The following PXT1 variants were observed in gnomAD, a reference collection of about 807,000 sequenced individuals.
The protein encoded by PXT1 is peroxisomal testis-specific protein 1.
A neutral mutation model predicts 11.0 loss-of-function variants in PXT1; 11 were observed. The ratio of observed to expected loss-of-function variants is 1.00; its 90% CI spans 0.63 to 1.66. The LOEUF is 1.66. Ranked by LOEUF, PXT1 falls within the 40% of genes most tolerant of loss-of-function variation. The pLI is 0.00. For synonymous variants in PXT1, 43 were observed against 51.4 expected (o/e 0.84, Z 0.70); for missense variants, 141 against 155.5 (o/e 0.91, Z 0.49).
At chr6:36,409,952 A>C (rs895357322) in intron 3 of PXT1, among the ~76,000 whole-genome samples, 8 of 49,162 alleles carry the variant, frequency 1.6e-4, no homozygotes, top group Non-Finnish European at 2.9e-4. Flanking sequence ...AAAGAAAGAG[A>C]AAGGAAGAAA....
intron 3 of PXT1, among the ~76,000 whole-genome samples, chr6:36,424,285 G>T (rs1166926835): frequency 6.6e-6 from 1 of 152,220 alleles, no homozygotes; most frequent in Non-Finnish European, 1.5e-5. Flanking sequence ...TTCCTAGAAG[G>T]TGTTCATAGG....
chr6:36,424,092 A>C (rs1774566383), intron 3 of PXT1, among the ~76,000 whole-genome samples: 1 of 152,218 alleles, frequency 6.6e-6, no homozygotes, highest in Non-Finnish European at 1.5e-5. Flanking sequence ...CTTCACAAGG[A>C]ATCTGAGGAT....
chr6:36,421,510 G>C (rs1032007275), intron 3 of PXT1, among the ~76,000 whole-genome samples: 6 of 152,150 alleles, frequency 3.9e-5, no homozygotes, highest in Admixed American at 1.3e-4. Context: ...AAGGGTTTAC[G>C]AATAACCACA....
chr6:36,398,205 A>T (rs1774169943), intron 4 of PXT1, among the ~76,000 whole-genome samples: 1 of 152,224 alleles, frequency 6.6e-6, no homozygotes, highest in African/African-American at 2.4e-5. Context: ...GGCTACAATC[A>T]AAAAGATAGT....
At chr6:36,392,613 A>G (rs1774085697) in intron 4 of PXT1, among the ~76,000 whole-genome samples, 1 of 152,164 alleles carries the variant, frequency 6.6e-6, no homozygotes, top group African/African-American at 2.4e-5. Context: ...GTGAGCTGTG[A>G]TTGTGCCACA....
chr6:36,406,063 GATA>G lies in PXT1; in HGVS notation c.170-5482_170-5480del, dbSNP rs368779748. On this transcript the variant is annotated intron_variant, in intron 3 of 4. Coordinates refer to ENST00000454782, the MANE Select transcript of PXT1 (RefSeq NM_152990.4). The stretch of plus-strand genomic sequence containing the variant: ...AGTGTAATGATTTGAGTGTATGTGT[GATA>G]ATAATGATGATCCAGATTCCTAAAA... 3.5e-3 allele frequency among the ~76,000 whole-genome samples: 531 copies of G among 152,292 alleles called. 1 individual carries two copies. The highest frequency in any genetic ancestry group is 0.012 in the African/African-American group (503 of 41,556).
chr6:36,411,073 T>A (rs1276608813), intron 3 of PXT1, among the ~76,000 whole-genome samples: 1 of 152,218 alleles, frequency 6.6e-6, no homozygotes, highest in Non-Finnish European at 1.5e-5. Flanking sequence ...TAATGGCATG[T>A]CATATTTCAA....
chr6:36,418,132 G>A (rs982011416), intron 3 of PXT1, among the ~76,000 whole-genome samples: 1 of 151,902 alleles, frequency 6.6e-6, no homozygotes, highest in African/African-American at 2.4e-5. Flanking sequence ...GGAGGCGGAG[G>A]TTGCAGTGAG....
At chr6:36,440,442 C>T (rs1175906720) in intron 1 of PXT1, among the ~76,000 whole-genome samples, 1 of 151,646 alleles carries the variant, frequency 6.6e-6, no homozygotes, top group African/African-American at 2.4e-5. Flanking sequence ...CAGTGGCGGG[C>T]GCCTGTAGTC....
rs561232459 is a variant in PXT1 at position 36,404,836 on chromosome 6, T to C, written c.170-4252A>G. Among the ~76,000 whole-genome samples, 15 of 152,188 alleles carry C rather than the reference T, an allele frequency of 9.9e-5. No individual in the cohort carries two copies. The East Asian group carries it at 2.3e-3, about 24-fold the overall frequency. On this transcript the variant is annotated intron_variant, in intron 3 of 4. Coordinates refer to ENST00000454782, the MANE Select transcript of PXT1 (RefSeq NM_152990.4). ...AGCCGGGCGTGGTGGCATGCACTTG[T>C]AATCCCAGCTACTAAGGAGGCCGAG... is the stretch of plus-strand genomic sequence containing the variant.
intron 4 of PXT1, among the ~76,000 whole-genome samples, chr6:36,396,017 G>T (rs974038384): frequency 6.6e-6 from 1 of 152,092 alleles, no homozygotes; most frequent in African/African-American, 2.4e-5. Flanking sequence ...ACAAACAAAA[G>T]AAGGTATTCT....
intron 3 of PXT1, among the ~76,000 whole-genome samples, chr6:36,409,138 A>G (rs891220113): frequency 2.8e-4 from 42 of 152,186 alleles, no homozygotes; most frequent in African/African-American, 9.9e-4. Context: ...ATAGGGGTCT[A>G]GGGGCTTCTG....
chr6:36,427,015 CTT>C (rs71768864), intron 2 of PXT1, among the ~76,000 whole-genome samples: 2 of 141,172 alleles, frequency 1.4e-5, no homozygotes, highest in Non-Finnish European at 1.5e-5. Flanking sequence ...CTTTTTTTTT[CTT>C]TTTTTTTTTT....
intron 3 of PXT1, among the ~76,000 whole-genome samples, chr6:36,404,465 G>A (rs1396486458): frequency 6.6e-6 from 1 of 152,108 alleles, no homozygotes; most frequent in Non-Finnish European, 1.5e-5. Context: ...GGGACCACAG[G>A]TGCATGCCAC....
Position 36,442,640 on chromosome 6 carries a change from C to T in PXT1, c.-235G>A, listed in dbSNP as rs1300772540. On this transcript the variant is annotated 5_prime_UTR_variant, in exon 1 of 5. Coordinates refer to ENST00000454782, the MANE Select transcript of PXT1 (RefSeq NM_152990.4). ...CTTTCGAGCAAATGCGTTTAAGCAA[C>T]TCCAGTATTCTTACTACGCTACCTC... 6.6e-6 allele frequency: 1 copy of T among 152,178 alleles called. No homozygotes were observed. The highest frequency in any genetic ancestry group is 1.5e-5 in the Non-Finnish European group (1 of 68,044). The allele number at this position is 152,178 out of a possible 1,614,324, so 9.4% of individuals were successfully genotyped here. A position where few individuals can be genotyped will look rare whatever the true frequency, so the allele number is the denominator to read the frequency against.
intron 3 of PXT1, among the ~76,000 whole-genome samples, chr6:36,404,752 G>A (rs1212554688): frequency 6.6e-6 from 1 of 151,988 alleles, no homozygotes; most frequent in Non-Finnish European, 1.5e-5. Flanking sequence ...GAGGTCAGGA[G>A]TTTGAGACCA....
At chr6:36,398,963 C>T (rs1676562351) in intron 4 of PXT1, among the ~76,000 whole-genome samples, 1 of 152,184 alleles carries the variant, frequency 6.6e-6, no homozygotes, top group African/African-American at 2.4e-5. Flanking sequence ...ATGAGCCCTG[C>T]TGCTCACTGC....
chr6:36,403,856 A>C (rs538035145), intron 3 of PXT1, among the ~76,000 whole-genome samples: 7 of 152,366 alleles, frequency 4.6e-5, no homozygotes, highest in Admixed American at 2.6e-4. Flanking sequence ...TGACAGAGAG[A>C]GAACCTGTCT....
intron 3 of PXT1, among the ~76,000 whole-genome samples, chr6:36,402,044 T>C (rs1774222431): frequency 2.6e-5 from 4 of 151,944 alleles, no homozygotes; most frequent in South Asian, 2.1e-4. Context: ...TTTAAACTCC[T>C]GGGCTCAAGT....
Sources: allele counts gnomAD v4.1 joint callset (sites outside exome capture counted in the v4.1 genomes callset), GRCh38; gene constraint gnomAD v4.1.1; transcripts MANE v1.5; gene names NCBI Gene and HGNC (gene_info 2026-07-23, HGNC 2026-07-21).